Variants in CTNNA2 observed in about 807,000 individuals in gnomAD.
CTNNA2 encodes catenin alpha-2.
In CTNNA2, 42 loss-of-function variants were observed where a neutral mutation model predicts 101.0. The ratio of observed to expected loss-of-function variants is 0.42; its 90% CI spans 0.32 to 0.54. The LOEUF is 0.54. CTNNA2 is among the 20% of genes least tolerant of loss of function. CTNNA2 has a pLI of 0.14. For synonymous variants in CTNNA2, 450 were observed against 456.4 expected (o/e 0.99, Z 0.18); for missense variants, 871 against 1,223.1 (o/e 0.71, Z 4.29).
At chr2:80,374,677 G>A (rs1454329999) in intron 7 of CTNNA2, among the ~76,000 whole-genome samples, 1 of 132,432 alleles carries the variant, frequency 7.6e-6, no homozygotes, top group Non-Finnish European at 1.5e-5. Flanking sequence ...CTGCGTGCGT[G>A]CGTGCGTGTG....
In CTNNA2 at chr2:80,303,237, T is replaced by G. The variant is rs1275510872; in HGVS notation, c.1057-89974T>G. On this transcript the variant is annotated intron_variant, in intron 7 of 18. Transcript: ENST00000402739. This position sits in a 1 kb window ranked among gnomAD's most constrained non-coding sequence, Gnocchi z 7.7. Reference sequence around the variant, plus strand: ...TTGCGCGCCAGACTCTTGAGCTGATTGTATCCGATGTCGAGAAACTTGAGG... The same window carrying G: ...TTGCGCGCCAGACTCTTGAGCTGATGGTATCCGATGTCGAGAAACTTGAGG... 6.2e-7 allele frequency: 1 copy of G among 1,613,646 alleles called. No homozygotes were observed. Among genetic ancestry groups the G allele is most frequent in the Non-Finnish European group, 8.5e-7 (1 of 1,179,962 alleles).
intron 7 of CTNNA2, among the ~76,000 whole-genome samples, chr2:80,327,024 T>C (rs900186577): frequency 5.6e-4 from 85 of 152,144 alleles, no homozygotes; most frequent in African/African-American, 2.0e-3. Context: ...TTATTTTCTC[T>C]CCTCCCAGTC....
chr2:80,208,637 G>A (rs1194226839), intron 7 of CTNNA2, among the ~76,000 whole-genome samples: 1 of 152,128 alleles, frequency 6.6e-6, no homozygotes, highest in African/African-American at 2.4e-5. Context: ...AGAGCATTTA[G>A]GGCTGAGACC....
intron 6 of CTNNA2, among the ~76,000 whole-genome samples, chr2:79,877,731 A>G (rs1458512900): frequency 6.6e-6 from 1 of 152,208 alleles, no homozygotes; most frequent in East Asian, 1.9e-4. Context: ...CCTTTCTCAT[A>G]TAGTGAAAAT....
chr2:80,138,142 A>C (rs1490441825), intron 7 of CTNNA2, among the ~76,000 whole-genome samples: 1 of 152,204 alleles, frequency 6.6e-6, no homozygotes, highest in Non-Finnish European at 1.5e-5. Context: ...GTATAGCAGA[A>C]GAGGGAATAA....
intron 2 of CTNNA2, among the ~76,000 whole-genome samples, chr2:79,248,814 A>G (rs1455831864): frequency 6.6e-6 from 1 of 152,226 alleles, no homozygotes; most frequent in Non-Finnish European, 1.5e-5. Flanking sequence ...GCAGGAATAC[A>G]GCAAGGCTGT....
chr2:80,088,429 AGGC>A (rs1299432400), intron 7 of CTNNA2, among the ~76,000 whole-genome samples: 3 of 152,028 alleles, frequency 2.0e-5, no homozygotes, highest in Non-Finnish European at 4.4e-5. Context: ...TTTTAGCCTA[AGGC>A]TGTCTTGTCC....
At chr2:80,091,187 T>A (rs571945980) in intron 7 of CTNNA2, among the ~76,000 whole-genome samples, 11 of 152,106 alleles carry the variant, frequency 7.2e-5, no homozygotes, top group African/African-American at 2.7e-4. Context: ...CAGCATCTAA[T>A]GAAGTAAAAT....
intron 9 of CTNNA2, among the ~76,000 whole-genome samples, chr2:80,459,854 G>A (rs545079132): frequency 6.6e-6 from 1 of 152,256 alleles, no homozygotes; most frequent in African/African-American, 2.4e-5. Context: ...GGTCTTTGTA[G>A]GCTTGGTGTA....
At chr2:79,745,363 G>A (rs113422831) in intron 3 of CTNNA2, among the ~76,000 whole-genome samples, 6 of 152,022 alleles carry the variant, frequency 3.9e-5, no homozygotes, top group South Asian at 2.1e-4. Flanking sequence ...CCCGGGAGGC[G>A]GAGGTTGCAG....
intron 9 of CTNNA2, among the ~76,000 whole-genome samples, chr2:80,483,764 T>A (rs1451506691): frequency 6.6e-6 from 1 of 152,210 alleles, no homozygotes; most frequent in Non-Finnish European, 1.5e-5. Context: ...GGAAATTCTG[T>A]GATTTGATAA....
At chr2:79,745,481 TGTACA>T in intron 3 of CTNNA2, among the ~76,000 whole-genome samples, 1 of 151,910 alleles carries the variant, frequency 6.6e-6, no homozygotes, top group East Asian at 1.9e-4. Context: ...TACTTGTAAG[TGTACA>T]GTTCAATACT....
At chr2:80,188,339 T>C (rs1230309219) in intron 7 of CTNNA2, among the ~76,000 whole-genome samples, 1 of 152,212 alleles carries the variant, frequency 6.6e-6, no homozygotes, top group Non-Finnish European at 1.5e-5. Flanking sequence ...TTAAGCAAAT[T>C]CCTCTGCCCA....
chr2:80,590,439 T>C (rs1345479091), intron 15 of CTNNA2, among the ~76,000 whole-genome samples: 1 of 123,480 alleles, frequency 8.1e-6, no homozygotes, highest in African/African-American at 3.2e-5. Context: ...GTAGTGTTTT[T>C]TTTTCTGGAA....
At chr2:79,511,200 T>C (rs997796765), upstream of CTNNA2, among the ~76,000 whole-genome samples, 7 of 152,214 alleles carry the variant, frequency 4.6e-5, no homozygotes, top group African/African-American at 1.4e-4. Context: ...CATAGGTGTC[T>C]TCTGCCTCTG....
At chr2:79,939,606 AT>A (rs575314606) in intron 7 of CTNNA2, among the ~76,000 whole-genome samples, 3 of 151,882 alleles carry the variant, frequency 2.0e-5, no homozygotes, top group East Asian at 1.9e-4. Flanking sequence ...GTAATATCCT[AT>A]TTTTTTATTC....
At chr2:80,543,102 T>C (rs1691722636) in intron 9 of CTNNA2, among the ~76,000 whole-genome samples, 1 of 152,246 alleles carries the variant, frequency 6.6e-6, no homozygotes, top group African/African-American at 2.4e-5. Context: ...ACACTAAGTT[T>C]ACAAGCTATT....
intron 7 of CTNNA2, among the ~76,000 whole-genome samples, chr2:80,207,972 A>G (rs1707633740): frequency 6.6e-6 from 1 of 152,230 alleles, no homozygotes; most frequent in African/African-American, 2.4e-5. Context: ...TGTCAGCAAT[A>G]ACACATGCAG....
chr2:79,221,314 A>T (rs752443916), intron 2 of CTNNA2, among the ~76,000 whole-genome samples: 35 of 152,162 alleles, frequency 2.3e-4, no homozygotes, highest in Middle Eastern at 3.4e-3. Flanking sequence ...TGCCTTCCTA[A>T]ATTATTTTTG....
Sources: allele counts gnomAD v4.1 joint callset (sites outside exome capture counted in the v4.1 genomes callset), GRCh38; gene constraint gnomAD v4.1.1; non-coding constraint Gnocchi (gnomAD v3.1); transcripts MANE v1.5; gene names NCBI Gene and HGNC (gene_info 2026-07-23, HGNC 2026-07-21).